PTPN14: variants seen among roughly 807,000 people sequenced by gnomAD.
PTPN14 encodes tyrosine-protein phosphatase non-receptor type 14.
Under a neutral mutation model 126.8 loss-of-function variants are expected in PTPN14, and 53 were observed. The observed-to-expected ratio is 0.42, with a 90% CI of 0.34 to 0.53. The LOEUF (loss-of-function observed/expected upper bound fraction) is 0.53. PTPN14 is among the 20% of genes least tolerant of loss of function. The probability of loss-of-function intolerance (pLI) is 0.08; values close to 1 mark genes in which losing one functional copy is unlikely to be tolerated. For missense variants in PTPN14, 1,257 were observed against 1,552.9 expected (o/e 0.81, Z 3.20); for synonymous variants, 630 against 599.3 (o/e 1.05, Z -0.75).
Position 214,525,277 on chromosome 1 carries a change from A to C in PTPN14, c.-155+25906T>G, listed in dbSNP as rs148440362. Among the ~76,000 whole-genome samples the C allele has an allele frequency of 5.2e-3, 786 of 152,228 alleles. 10 individuals carry two copies. Among genetic ancestry groups the C allele is most frequent in the African/African-American group, 0.018 (759 of 41,532 alleles). ...TTCTACTAAACCTCTTACCCCAACC[A>C]CTTCCAACCTCTGACGGGACACTTT... is the stretch of plus-strand genomic sequence containing the variant. On this transcript the variant is annotated intron_variant, in intron 1 of 18. Coordinates refer to ENST00000366956, the MANE Select transcript of PTPN14 (RefSeq NM_005401.5).
chr1:214,439,898 G>A (rs1660001898), intron 3 of PTPN14, among the ~76,000 whole-genome samples: 2 of 152,056 alleles, frequency 1.3e-5, no homozygotes, highest in Admixed American at 1.3e-4. Flanking sequence ...CATAATGCTC[G>A]CTATTTAAAG....
Position 214,384,679 on chromosome 1 carries a change from G to A in PTPN14, c.1176C>T (p.His392=). ...TVTNGSVCSV[H]SVNSLNCSQS... is the part of the protein sequence containing the mutation. ...GCGAGCAGTTGAGGGAGTTGACGCT[G>A]TGAACGCTACACACGCTGCCATTGG... Residue 392 remains histidine (H), a synonymous_variant, in exon 13 of 19, where the codon CAC becomes CAT. Transcript: ENST00000366956. The surrounding 1 kb of genome is among the most constrained non-coding windows in gnomAD (Gnocchi z 5.3). 6.2e-7 allele frequency: 1 copy of A among 1,614,144 alleles called. No individual in the cohort carries two copies. The highest frequency in any genetic ancestry group is 8.5e-7 in the Non-Finnish European group (1 of 1,180,042).
At chr1:214,388,454 T>A (rs549613683) in intron 11 of PTPN14, among the ~76,000 whole-genome samples, 347 of 152,274 alleles carry the variant, frequency 2.3e-3, no homozygotes, top group Non-Finnish European at 3.7e-3. Flanking sequence ...TTGCCCAGGC[T>A]GGAGTGCAGT....
chr1:214,543,111 G>T, intron 1 of PTPN14, among the ~76,000 whole-genome samples: 1 of 152,286 alleles, frequency 6.6e-6, no homozygotes, highest in African/African-American at 2.4e-5. Flanking sequence ...GTAAAAACTA[G>T]TAACTTTGAG....
chr1:214,547,033 T>C (rs761443516), intron 1 of PTPN14, among the ~76,000 whole-genome samples: 14 of 152,164 alleles, frequency 9.2e-5, no homozygotes, highest in Non-Finnish European at 1.6e-4. Context: ...GAACTACCCT[T>C]ATCACACAAA....
chr1:214,423,988 AACAGTAAC>A (rs1419395987), intron 3 of PTPN14, among the ~76,000 whole-genome samples: 2 of 151,140 alleles, frequency 1.3e-5, no homozygotes, highest in African/African-American at 4.9e-5. Flanking sequence ...TTCAAAACAA[AACAGTAAC>A]AACAAAAAAT....
chr1:214,515,700 T>G (rs1288385889), intron 1 of PTPN14, among the ~76,000 whole-genome samples: 1 of 152,210 alleles, frequency 6.6e-6, no homozygotes, highest in East Asian at 1.9e-4. Context: ...TTCAACATTT[T>G]TAGTGCTATT....
At chr1:214,484,037 C>T (rs1334584014) in intron 1 of PTPN14, among the ~76,000 whole-genome samples, 1 of 152,162 alleles carries the variant, frequency 6.6e-6, no homozygotes, top group African/African-American at 2.4e-5. Flanking sequence ...AAAAAGAAAT[C>T]GTAGAATGGG....
chr1:214,502,250 T>A (rs944182905), intron 1 of PTPN14, among the ~76,000 whole-genome samples: 1 of 152,072 alleles, frequency 6.6e-6, no homozygotes, highest in African/African-American at 2.4e-5. Context: ...TATTCCACCA[T>A]CCTACTGATG....
In PTPN14 at chr1:214,497,112, G is replaced by A. The variant is rs10158866; in HGVS notation, c.-154-32155C>T. On this transcript the variant is annotated intron_variant, in intron 1 of 18. Coordinates refer to ENST00000366956, the MANE Select transcript of PTPN14 (RefSeq NM_005401.5). Reference sequence around the variant, plus strand: ...GTCTCCAGAAATTGAGCTCTATTGGGGCAGCGGTGGGGGGTCGGGGGGAAG... The same window carrying A: ...GTCTCCAGAAATTGAGCTCTATTGGAGCAGCGGTGGGGGGTCGGGGGGAAG... Among the ~76,000 whole-genome samples, 893 of 152,002 alleles carry A rather than the reference G, an allele frequency of 5.9e-3. 11 individuals carry two copies. Among genetic ancestry groups the A allele is most frequent in the African/African-American group, 0.02 (847 of 41,440 alleles).
At chr1:214,533,537 A>G in intron 1 of PTPN14, 1 of 279,122 alleles carries the variant, frequency 3.6e-6, no homozygotes, top group Non-Finnish European at 6.8e-6. Context: ...GTTTAAATAA[A>G]AAAAAAAAAA....
chr1:214,404,589 A>C (rs982059673), intron 5 of PTPN14, among the ~76,000 whole-genome samples: 7 of 152,168 alleles, frequency 4.6e-5, no homozygotes, highest in African/African-American at 1.7e-4. Flanking sequence ...CCTACTTTTA[A>C]AAAGAAGCCC....
At chr1:214,490,946 A>G (rs1338841829) in intron 1 of PTPN14, among the ~76,000 whole-genome samples, 1 of 111,612 alleles carries the variant, frequency 9.0e-6, no homozygotes, top group Non-Finnish European at 2.0e-5. Context: ...AAAGAAAGAA[A>G]AGAAAGAAAG....
chr1:214,536,190 T>C (rs1174333343), intron 1 of PTPN14, among the ~76,000 whole-genome samples: 2 of 151,718 alleles, frequency 1.3e-5, no homozygotes, highest in East Asian at 3.9e-4. Flanking sequence ...GGGAGATAAC[T>C]TGGGGCCAGG....
chr1:214,384,903 C>T lies in PTPN14; in HGVS notation c.1067-115G>A, dbSNP rs1237862268. On this transcript the variant is annotated intron_variant, in intron 12 of 18. Transcript: ENST00000366956. This position sits in a 1 kb window ranked among gnomAD's most constrained non-coding sequence, Gnocchi z 5.3. ...TAAACAAATCATAAAAAGTGAAATC[C>T]CATGGTCTCCACCCACATGTTCTAT... The T allele has an allele frequency of 5.7e-6, 7 of 1,224,208 alleles. No individual in the cohort carries two copies. In the African/African-American group the frequency reaches 9.2e-5, roughly 16 times the overall value. The allele number at this position is 1,224,208 out of a possible 1,614,324, so 75.8% of individuals were successfully genotyped here.
chr1:214,479,989 C>T (rs929539439), intron 1 of PTPN14, among the ~76,000 whole-genome samples: 3 of 152,140 alleles, frequency 2.0e-5, no homozygotes, highest in Admixed American at 1.3e-4. Flanking sequence ...GTATTATTTT[C>T]TCATGCTATT....
intron 18 of PTPN14, among the ~76,000 whole-genome samples, chr1:214,359,361 G>A (rs986098881): frequency 4.1e-5 from 6 of 147,586 alleles, no homozygotes; most frequent in African/African-American, 1.0e-4. Context: ...TTACAGGCAC[G>A]CACCACCATG....
intron 1 of PTPN14, among the ~76,000 whole-genome samples, chr1:214,526,769 G>C (rs1194084642): frequency 1.3e-5 from 2 of 152,136 alleles, no homozygotes; most frequent in Non-Finnish European, 2.9e-5. Flanking sequence ...GAAAACCAGA[G>C]GAGAGGAAAG....
chr1:214,397,879 A>G, intron 8 of PTPN14, 34 bp downstream of exon 8: 1 of 1,520,580 alleles, frequency 6.6e-7, no homozygotes, highest in East Asian at 2.3e-5. Flanking sequence ...CTCAAGGTAA[A>G]AAAGAAAAAA....
Sources: allele counts gnomAD v4.1 joint callset (sites outside exome capture counted in the v4.1 genomes callset), GRCh38; gene constraint gnomAD v4.1.1; non-coding constraint Gnocchi (gnomAD v3.1); transcripts MANE v1.5; gene names NCBI Gene and HGNC (gene_info 2026-07-23, HGNC 2026-07-21).